BMP7: variants seen among roughly 807,000 people sequenced by gnomAD.
BMP7 encodes bone morphogenetic protein 7, also known as osteogenic protein 1.
Under a neutral mutation model 41.2 loss-of-function variants are expected in BMP7, and 12 were observed. The observed-to-expected ratio is 0.29, with a 90% CI of 0.19 to 0.47. The LOEUF is 0.47. Ranked by LOEUF, BMP7 falls within the 20% of genes least tolerant of loss-of-function variation. The pLI is 0.99. For synonymous variants in BMP7, 248 were observed against 250.0 expected (o/e 0.99, Z 0.07); for missense variants, 467 against 606.0 (o/e 0.77, Z 2.41).
Position 57,195,352 on chromosome 20 carries a change from C to T in BMP7, c.760+7123G>A, listed in dbSNP as rs867196418. ...TCATTAATTGTGAAAAACACATTCA[C>T]TCCAGCCATTTCTCTGGGTGGACCA... is the stretch of plus-strand genomic sequence containing the variant. On this transcript the variant is annotated intron_variant, in intron 3 of 6. Transcript: ENST00000395863. 2.6e-5 allele frequency among the ~76,000 whole-genome samples: 4 copies of T among 152,340 alleles called. No homozygotes were observed. In the Middle Eastern group the frequency reaches 0.014, roughly 518 times the overall value.
rs556499231 is a variant in BMP7, at chr20:57,202,718, G to A, written c.612-95C>T. ...GAAGCAGAGCCTCATGGGGTGGGAG[G>A]GGAGGGAAAGAGTCCACTGGTCCCC... On this transcript the variant is annotated intron_variant, in intron 2 of 6. Transcript: ENST00000395863. 6.8e-6 allele frequency: 8 copies of A among 1,173,168 alleles called. No individual in the cohort carries two copies. The Admixed American group carries it at 9.7e-5, about 14-fold the overall frequency. The allele number at this position is 1,173,168 out of a possible 1,614,324, so 72.7% of individuals were successfully genotyped here.
chr20:57,184,003 C>G, intron 3 of BMP7, 84 bp from the exon 4 acceptor site: 3 of 1,457,810 alleles, frequency 2.1e-6, no homozygotes, highest in Non-Finnish European at 2.8e-6. Context: ...GCTATGCCTC[C>G]CGGTTCATTC....
intron 1 of BMP7, among the ~76,000 whole-genome samples, chr20:57,241,975 G>A (rs912336834): frequency 3.3e-5 from 5 of 152,168 alleles, no homozygotes; most frequent in African/African-American, 1.2e-4. Context: ...AAAGAAAAAT[G>A]GGCCGCAAGC....
rs768463621 is a variant in BMP7 at position 57,228,285 on chromosome 20, G to C, written c.555C>G (p.Phe185Leu). The C allele has an allele frequency of 1.9e-6, 3 of 1,614,096 alleles. No homozygotes were observed. In the South Asian group the frequency reaches 3.3e-5, roughly 18 times the overall value. Residue 185 changes from phenylalanine (F) to leucine (L), a missense_variant, in exon 2 of 7, where the codon TTC becomes TTG. Coordinates refer to ENST00000395863, the MANE Select transcript of BMP7 (RefSeq NM_001719.3). This position sits in a 1 kb window ranked among gnomAD's most constrained non-coding sequence, Gnocchi z 4.5. Reference protein sequence around the residue: ...RIYKDYIRERFDNETFRISVY... With the variant: ...RIYKDYIRERLDNETFRISVY... Reference sequence around the variant, plus strand: ...CGCTGATCCGGAACGTCTCATTGTCGAAGCGTTCCCGGATGTAGTCCTTGT... The same window carrying C: ...CGCTGATCCGGAACGTCTCATTGTCCAAGCGTTCCCGGATGTAGTCCTTGT...
In BMP7 at chr20:57,265,730, G is replaced by A; in HGVS notation, c.393C>T (p.Asp131=). 6.2e-7 allele frequency: 1 copy of A among 1,608,976 alleles called. No homozygotes were observed. Among genetic ancestry groups the A allele is most frequent in the Non-Finnish European group, 8.5e-7 (1 of 1,177,772 alleles). The part of the protein sequence containing the change: ...LQDSHFLTDA[D]MVMSFVNLVE... ...CGAGGTTGACGAAGCTCATGACCAT[G>A]TCGGCGTCGGTGAGGAAATGGCTAT... is the stretch of plus-strand genomic sequence containing the variant. The change falls in exon 1 of 7, where the codon GAC becomes GAT. Residue 131 remains aspartate (D), a synonymous_variant. Transcript: ENST00000395863.
chr20:57,183,997 T>C (rs1984152499), intron 3 of BMP7, 78 bp from the exon 4 acceptor site: 1 of 1,495,198 alleles, frequency 6.7e-7, no homozygotes, highest in African/African-American at 1.4e-5. Context: ...AGAGATGCTA[T>C]GCCTCCCGGT....
intron 1 of BMP7, among the ~76,000 whole-genome samples, chr20:57,230,802 A>C (rs2066026429): frequency 1.3e-5 from 2 of 151,032 alleles, no homozygotes; most frequent in Admixed American, 6.6e-5. Flanking sequence ...TCAGCCTCCC[A>C]AGTGGCTGGG....
chr20:57,218,071 T>C (rs1985075598), intron 2 of BMP7, among the ~76,000 whole-genome samples: 2 of 152,250 alleles, frequency 1.3e-5, no homozygotes, highest in African/African-American at 4.8e-5. Flanking sequence ...GCCGGCTTCA[T>C]GGGCATCTGA....
chr20:57,210,618 G>T (rs563643754), intron 2 of BMP7, among the ~76,000 whole-genome samples: 47 of 152,326 alleles, frequency 3.1e-4, no homozygotes, highest in Admixed American at 2.7e-3. Flanking sequence ...AAAACAGAGC[G>T]GAGTTGGGAG....
intron 1 of BMP7, among the ~76,000 whole-genome samples, chr20:57,257,722 A>G (rs2066138940): frequency 6.6e-6 from 1 of 150,976 alleles, no homozygotes; most frequent in South Asian, 2.1e-4. Flanking sequence ...AGCACCTTCT[A>G]TGCCATGAGA....
intron 2 of BMP7, among the ~76,000 whole-genome samples, chr20:57,217,672 G>A (rs1359232503): frequency 6.6e-6 from 1 of 152,214 alleles, no homozygotes. Context: ...AGCAAAGCAG[G>A]AGAAACACAT....
In BMP7 at chr20:57,259,722, A is replaced by C. The variant is rs948731223; in HGVS notation, c.418+5983T>G. On this transcript the variant is annotated intron_variant, in intron 1 of 6. Transcript: ENST00000395863. The surrounding 1 kb of genome is among the most constrained non-coding windows in gnomAD (Gnocchi z 4.7). ...TTGCACATGCTTGCCTGAGTTTCGC[A>C]TAAGTAAGTGTCAAACTTCATGCAC... Among the ~76,000 whole-genome samples, 1 of 152,206 alleles carries C rather than the reference A, an allele frequency of 6.6e-6. No individual in the cohort carries two copies. Among genetic ancestry groups the C allele is most frequent in the Non-Finnish European group, 1.5e-5 (1 of 68,036 alleles).
chr20:57,236,778 C>T (rs1318808041), intron 1 of BMP7, among the ~76,000 whole-genome samples: 1 of 142,948 alleles, frequency 7.0e-6, no homozygotes, highest in Non-Finnish European at 1.5e-5. Context: ...AAAAAAAAAA[C>T]ACCTGACGAG....
At chr20:57,196,274 G>A (rs192171864) in intron 3 of BMP7, among the ~76,000 whole-genome samples, 13 of 152,178 alleles carry the variant, frequency 8.5e-5, no homozygotes, top group African/African-American at 2.4e-4. Flanking sequence ...GAAAATGGGC[G>A]TATTGATTTG....
At chr20:57,180,120 C>A (rs1006660283) in intron 4 of BMP7, among the ~76,000 whole-genome samples, 2 of 152,160 alleles carry the variant, frequency 1.3e-5, no homozygotes, top group South Asian at 2.1e-4. Context: ...CCTCTGAGCA[C>A]CCCCTCGGCA....
chr20:57,195,990 C>T (rs112471005), intron 3 of BMP7, among the ~76,000 whole-genome samples: 95 of 152,222 alleles, frequency 6.2e-4, no homozygotes, highest in Middle Eastern at 3.4e-3. Context: ...GGGTCCCCAA[C>T]GAGGGAGTAT....
intron 2 of BMP7, among the ~76,000 whole-genome samples, chr20:57,211,476 C>G (rs989894586): frequency 3.4e-5 from 5 of 146,790 alleles, no homozygotes; most frequent in African/African-American, 1.4e-4. Flanking sequence ...ATAACACCCC[C>G]TCAGACACAT....
At position 57,224,334 on chromosome 20, in the gene BMP7, C is replaced by T. The variant is rs944215308; in HGVS notation, c.611+3895G>A. On this transcript the variant is annotated intron_variant, in intron 2 of 6. Transcript: ENST00000395863. The surrounding 1 kb of genome is among the most constrained non-coding windows in gnomAD (Gnocchi z 4.8). The stretch of plus-strand genomic sequence containing the variant: ...GCCAACATCATCTCGACCTTGGTGG[C>T]GGCCGACTCCCTTGGAGCAGATTCT... Among the ~76,000 whole-genome samples, 5 of 152,204 alleles carry T rather than the reference C, an allele frequency of 3.3e-5. No individual in the cohort carries two copies. The highest frequency in any genetic ancestry group is 1.2e-4 in the African/African-American group (5 of 41,458).
intron 1 of BMP7, among the ~76,000 whole-genome samples, chr20:57,233,287 T>C (rs563890143): frequency 6.6e-6 from 1 of 152,086 alleles, no homozygotes; most frequent in African/African-American, 2.4e-5. Context: ...TTACAGGCAT[T>C]AACAAAGGAC....
Sources: allele counts gnomAD v4.1 joint callset (sites outside exome capture counted in the v4.1 genomes callset), GRCh38; gene constraint gnomAD v4.1.1; non-coding constraint Gnocchi (gnomAD v3.1); transcripts MANE v1.5; gene names NCBI Gene and HGNC (gene_info 2026-07-23, HGNC 2026-07-21).